KCNK13: variants seen among roughly 807,000 people sequenced by gnomAD.
KCNK13 encodes potassium channel subfamily K member 13.
A neutral mutation model predicts 23.4 loss-of-function variants in KCNK13; 12 were observed. That is an observed-to-expected ratio of 0.51 (90% CI 0.33 to 0.83). KCNK13 has a LOEUF of 0.83. Among genes scored for constraint, KCNK13 ranks in the 40% least tolerant of loss-of-function variants. KCNK13 has a pLI of 0.02. For synonymous variants in KCNK13, 231 were observed against 229.5 expected, an observed-to-expected ratio of 1.01 and a Z score of -0.06; for missense variants, 463 against 556.3, an observed-to-expected ratio of 0.83 and a Z score of 1.69.
chr14:90,114,984 G>A lies in KCNK13; in HGVS notation c.334+52445G>A, dbSNP rs10144941. ...AGACTTTGGAGTGCCCTCCAACTGC[G>A]GCCTGGGCAAAACCAGCTCTCTTGT... On this transcript the variant is annotated intron_variant, in intron 1 of 1. Transcript: ENST00000282146. 6.1e-3 allele frequency among the ~76,000 whole-genome samples: 934 copies of A among 152,260 alleles called. 11 individuals carry two copies. The highest frequency in any genetic ancestry group is 0.021 in the African/African-American group (879 of 41,544).
intron 1 of KCNK13, among the ~76,000 whole-genome samples, chr14:90,083,046 C>G (rs1889231679): frequency 1.3e-5 from 2 of 152,050 alleles, no homozygotes; most frequent in Admixed American, 1.3e-4. Flanking sequence ...GTTTATTGGC[C>G]ATTTGTATAC....
At position 90,093,246 on chromosome 14, in the gene KCNK13, A is replaced by T. The variant is rs145303556; in HGVS notation, c.334+30707A>T. Among the ~76,000 whole-genome samples the T allele has an allele frequency of 4.5e-3, 679 of 152,298 alleles. 6 individuals carry two copies. Among genetic ancestry groups the T allele is most frequent in the African/African-American group, 0.015 (639 of 41,576 alleles). ...GCTCCAGGGACCACGCTTCTTCTAG[A>T]TGTCTGTGTCACCCTCAAAGCCTCA... On this transcript the variant is annotated intron_variant, in intron 1 of 1. Transcript: ENST00000282146.
intron 1 of KCNK13, among the ~76,000 whole-genome samples, chr14:90,092,772 G>T (rs1385245909): frequency 6.6e-6 from 1 of 151,918 alleles, no homozygotes; most frequent in African/African-American, 2.4e-5. Flanking sequence ...AATTAGCTGG[G>T]CCTGATGGTG....
chr14:90,169,695 T>C (rs1248950373), intron 1 of KCNK13, among the ~76,000 whole-genome samples: 3 of 152,134 alleles, frequency 2.0e-5, no homozygotes, highest in Non-Finnish European at 4.4e-5. Context: ...TCCATGGGCC[T>C]CCTCCCTCTC....
chr14:90,131,342 C>T (rs1244481167), intron 1 of KCNK13, among the ~76,000 whole-genome samples: 1 of 152,058 alleles, frequency 6.6e-6, no homozygotes, highest in Non-Finnish European at 1.5e-5. Context: ...AGTGATTCTC[C>T]TGCCTCAGCC....
rs868067454 is a variant in KCNK13, at chr14:90,068,457, G to C, written c.334+5918G>C. ...AAAAAAAATAGAAAAAATTAGCCAG[G>C]TGTGGTGGTGCAGGCCTGTAGTCCC... On this transcript the variant is annotated intron_variant, in intron 1 of 1. Coordinates refer to ENST00000282146, the MANE Select transcript of KCNK13 (RefSeq NM_022054.4). Among the ~76,000 whole-genome samples the C allele has an allele frequency of 1.0e-3, 156 of 152,192 alleles. 1 individual carries two copies. The highest frequency in any genetic ancestry group is 3.5e-3 in the African/African-American group (146 of 41,504).
At chr14:90,090,324 A>C (rs1889328510) in intron 1 of KCNK13, among the ~76,000 whole-genome samples, 1 of 152,222 alleles carries the variant, frequency 6.6e-6, no homozygotes, top group Admixed American at 6.5e-5. Context: ...TGGAGCTCTA[A>C]GATTGGACTG....
chr14:90,136,859 T>C (rs535258446), intron 1 of KCNK13, among the ~76,000 whole-genome samples: 10 of 152,234 alleles, frequency 6.6e-5, no homozygotes, highest in Non-Finnish European at 1.5e-4. Flanking sequence ...GCACTTTGGA[T>C]GGCAAAAGGT....
At chr14:90,159,002 T>A (rs1339511541) in intron 1 of KCNK13, among the ~76,000 whole-genome samples, 2 of 152,238 alleles carry the variant, frequency 1.3e-5, no homozygotes, top group Admixed American at 6.5e-5. Context: ...CAGGATACCC[T>A]AGACTGGGAA....
At chr14:90,085,519 C>A (rs1163721078) in intron 1 of KCNK13, among the ~76,000 whole-genome samples, 1 of 150,642 alleles carries the variant, frequency 6.6e-6, no homozygotes, top group African/African-American at 2.4e-5. Context: ...ATTAGCCGGG[C>A]ATGGTGGCAC....
At chr14:90,086,845 A>G (rs954866450) in intron 1 of KCNK13, among the ~76,000 whole-genome samples, 2 of 152,098 alleles carry the variant, frequency 1.3e-5, no homozygotes, top group Admixed American at 1.3e-4. Flanking sequence ...ATAAATGTAG[A>G]TGGTAAAATA....
intron 1 of KCNK13, among the ~76,000 whole-genome samples, chr14:90,076,324 C>T (rs1889133773): frequency 6.6e-6 from 1 of 152,216 alleles, no homozygotes; most frequent in Non-Finnish European, 1.5e-5. Flanking sequence ...ACCAGAGTCC[C>T]AGAACCTTCT....
At chr14:90,124,303 T>C (rs1186608668) in intron 1 of KCNK13, among the ~76,000 whole-genome samples, 1 of 152,224 alleles carries the variant, frequency 6.6e-6, no homozygotes, top group Non-Finnish European at 1.5e-5. Context: ...TAATGGCCCC[T>C]GCCCCAAGAC....
chr14:90,112,724 G>T (rs1335013463), intron 1 of KCNK13, among the ~76,000 whole-genome samples: 6 of 151,854 alleles, frequency 4.0e-5, no homozygotes, highest in Admixed American at 3.9e-4. Context: ...TCAATAGAAG[G>T]ATCACATCTT....
At chr14:90,121,883 C>A (rs1889743656) in intron 1 of KCNK13, among the ~76,000 whole-genome samples, 1 of 152,014 alleles carries the variant, frequency 6.6e-6, no homozygotes, top group Admixed American at 6.6e-5. Context: ...CCACGCCTGG[C>A]TAATTTTTGT....
intron 1 of KCNK13, among the ~76,000 whole-genome samples, chr14:90,157,381 A>T (rs916418515): frequency 6.6e-6 from 1 of 152,120 alleles, no homozygotes; most frequent in Non-Finnish European, 1.5e-5. Context: ...ACGAAAAAAA[A>T]GTGTCGGCAT....
At chr14:90,064,457 G>A (rs58443806) in intron 1 of KCNK13, among the ~76,000 whole-genome samples, 2 of 152,002 alleles carry the variant, frequency 1.3e-5, no homozygotes, top group Non-Finnish European at 1.5e-5. Flanking sequence ...TTGGGGATAC[G>A]AATATGACAA....
chr14:90,162,063 C>T (rs1890257983), intron 1 of KCNK13, among the ~76,000 whole-genome samples: 1 of 152,074 alleles, frequency 6.6e-6, no homozygotes, highest in Admixed American at 6.6e-5. Context: ...ACCTGTGGTC[C>T]CAGGTACTTG....
chr14:90,140,118 C>A (rs1006851901), intron 1 of KCNK13, among the ~76,000 whole-genome samples: 8 of 152,114 alleles, frequency 5.3e-5, no homozygotes, highest in Non-Finnish European at 8.8e-5. Flanking sequence ...GGCAAATTAT[C>A]ATGAAAGAGA....
Sources: allele counts gnomAD v4.1 joint callset (sites outside exome capture counted in the v4.1 genomes callset), GRCh38; gene constraint gnomAD v4.1.1; transcripts MANE v1.5; gene names NCBI Gene and HGNC (gene_info 2026-07-23, HGNC 2026-07-21).